Variants in MMRN2 observed in about 807,000 individuals in gnomAD.
The protein encoded by MMRN2 is multimerin-2.
In MMRN2, 53 loss-of-function variants were observed where a neutral mutation model predicts 68.8. The ratio of observed to expected loss-of-function variants is 0.77; its 90% CI spans 0.62 to 0.97. The LOEUF is 0.97. Among genes scored for constraint, MMRN2 ranks in the 50% least tolerant of loss-of-function variants. MMRN2 has a pLI of 0.00. For synonymous variants in MMRN2, 564 were observed against 551.6 expected (o/e 1.02, Z -0.32); for missense variants, 1,266 against 1,259.5 (o/e 1.01, Z -0.08).
At position 86,945,169 on chromosome 10, in the gene MMRN2, C is replaced by T. The variant is rs1844047019; in HGVS notation, c.481+19G>A. 2 of 1,611,876 alleles carry T rather than the reference C, an allele frequency of 1.2e-6. No homozygotes were observed. Among genetic ancestry groups the T allele is most frequent in the Non-Finnish European group, 1.7e-6 (2 of 1,178,662 alleles). ...GCCCCACCAGCCTGCCTGCCTTCCC[C>T]TTCCGGAAAGCAACACACCAGGTTT... On this transcript the variant is annotated intron_variant, in intron 4 of 6. Coordinates refer to ENST00000372027, the MANE Select transcript of MMRN2 (RefSeq NM_024756.3).
chr10:86,939,806 GGTGTGT>G (rs769816445), intron 6 of MMRN2, among the ~76,000 whole-genome samples: 21,927 of 146,634 alleles, frequency 0.15, 1,976 homozygotes, highest in South Asian at 0.23. Flanking sequence ...GGAAATTTGG[GGTGTGT>G]GTGTGTGTGT....
At chr10:86,937,257 T>C in intron 6 of MMRN2, 132 bp from the exon 7 acceptor site, 1 of 969,222 alleles carries the variant, frequency 1.0e-6, no homozygotes, top group Non-Finnish European at 1.5e-6. Flanking sequence ...ACCTAGATAT[T>C]CCCAACAGCA....
rs1843877580 is a variant in MMRN2 at position 86,936,319 on chromosome 10, T to C, written c.*424A>G. The C allele has an allele frequency of 2.4e-6, 1 of 422,538 alleles. No individual in the cohort carries two copies. The highest frequency in any genetic ancestry group is 4.2e-6 in the Non-Finnish European group (1 of 239,952). The allele number at this position is 422,538 out of a possible 1,614,324, so 26.2% of individuals were successfully genotyped here. A position where few individuals can be genotyped will look rare whatever the true frequency, so the allele number is the denominator to read the frequency against. On this transcript the variant is annotated 3_prime_UTR_variant, in exon 7 of 7. Coordinates refer to ENST00000372027, the MANE Select transcript of MMRN2 (RefSeq NM_024756.3). ...TTGCCTCCATTTTAAACATTCCTCC[T>C]GGGGAAGAATGTCTTTCTATCATAC...
Position 86,942,562 on chromosome 10 carries a change from T to G in MMRN2, c.2222A>C (p.Gln741Pro), listed in dbSNP as rs756753246. The change falls in exon 6 of 7, where the codon CAG becomes CCG. Residue 741 changes from glutamine to proline, a missense_variant. Gln to Pro is a moderately conservative substitution (Grantham distance 76, BLOSUM62 -1). Transcript: ENST00000372027. Reference sequence around the variant, plus strand: ...CCGCTGGTGCTGCTCCAAGCTGCGCTGAGTGGCGAAGAGTGCGTTGTGGAG... The same window carrying G: ...CCGCTGGTGCTGCTCCAAGCTGCGCGGAGTGGCGAAGAGTGCGTTGTGGAG... ...HGLHNALFAT[Q>P]RSLEQHQRLF... The G allele has an allele frequency of 6.2e-7, 1 of 1,613,022 alleles. No individual in the cohort carries two copies. Among genetic ancestry groups the G allele is most frequent in the South Asian group, 1.1e-5 (1 of 91,084 alleles).
chr10:86,957,254 G>GAGAT (rs772026298), intron 1 of MMRN2, 124 bp downstream of exon 1: 1 of 1,004,866 alleles, frequency 1.0e-6, no homozygotes, highest in Non-Finnish European at 1.5e-6. Flanking sequence ...AGATGGCCCA[G>GAGAT]AGATAGATAC....
chr10:86,950,615 T>G (rs1184757432), intron 1 of MMRN2, among the ~76,000 whole-genome samples: 1 of 152,144 alleles, frequency 6.6e-6, no homozygotes, highest in East Asian at 1.9e-4. Flanking sequence ...CAGTTCACAT[T>G]GGAACACACC....
At position 86,943,481 on chromosome 10, in the gene MMRN2, C is replaced by G; in HGVS notation, c.1303G>C (p.Glu435Gln). The G allele has an allele frequency of 1.9e-6, 3 of 1,614,202 alleles. No homozygotes were observed. Among genetic ancestry groups the G allele is most frequent in the Non-Finnish European group, 1.7e-6 (2 of 1,180,044 alleles). The part of the protein sequence containing the change: ...QISKVERQVE[E>Q]LQVNHTALRE... ...AGCGCCGTGTGGTTCACCTGCAGCT[C>G]CTCCACCTGCCGCTCCACCTTGCTA... Residue 435 changes from glutamate to glutamine, a missense_variant, in exon 6 of 7, where the codon GAG (glutamate) becomes CAG (glutamine). Coordinates refer to ENST00000372027, the MANE Select transcript of MMRN2 (RefSeq NM_024756.3). The surrounding 1 kb of genome is among the most constrained non-coding windows in gnomAD (Gnocchi z 4.2).
intron 6 of MMRN2, among the ~76,000 whole-genome samples, chr10:86,937,366 A>G (rs1843895981): frequency 6.6e-6 from 1 of 152,270 alleles, no homozygotes; most frequent in Non-Finnish European, 1.5e-5. Context: ...GTACATTTTA[A>G]CAAAATACTT....
chr10:86,944,534 G>T, intron 4 of MMRN2, 99 bp from the exon 5 acceptor site: 1 of 1,330,908 alleles, frequency 7.5e-7, no homozygotes, highest in Non-Finnish European at 1.1e-6. Context: ...GAGCAGGGAA[G>T]TTAGCTGCTG....
intron 4 of MMRN2, 49 bp downstream of exon 4, chr10:86,945,139 C>T: frequency 4.5e-6 from 7 of 1,543,676 alleles, no homozygotes; most frequent in Non-Finnish European, 6.3e-6. Flanking sequence ...CAGCTGGCTA[C>T]ATGGGCCCCA....
chr10:86,941,821 GA>G (rs1564731145), intron 6 of MMRN2, among the ~76,000 whole-genome samples: 2 of 67,654 alleles, frequency 3.0e-5, no homozygotes, highest in Non-Finnish European at 6.1e-5. Context: ...AAAAAGAAAA[GA>G]AAAAGAAAAA....
At position 86,943,965 on chromosome 10, in the gene MMRN2, G is replaced by C; in HGVS notation, c.819C>G (p.Ile273Met). 1.4e-5 allele frequency: 22 copies of C among 1,614,204 alleles called. No homozygotes were observed. The highest frequency in any genetic ancestry group is 1.9e-5 in the Non-Finnish European group (22 of 1,180,046). Residue 273 changes from isoleucine (I) to methionine (M), a missense_variant, in exon 6 of 7, where the codon ATC becomes ATG. Ile to Met is a conservative substitution (Grantham distance 10). Transcript: ENST00000372027. The surrounding 1 kb of genome is among the most constrained non-coding windows in gnomAD (Gnocchi z 4.2). ...SLDVEANRQA[I>M]SRVQDSAVAR... Reference sequence around the variant, plus strand: ...CCACGGCACTGTCCTGGACTCTGGAGATGGCCTGGCGGTTGGCCTCCACGT... The same window carrying C: ...CCACGGCACTGTCCTGGACTCTGGACATGGCCTGGCGGTTGGCCTCCACGT...
At chr10:86,953,879 A>G (rs544601296) in intron 1 of MMRN2, among the ~76,000 whole-genome samples, 88 of 152,260 alleles carry the variant, frequency 5.8e-4, no homozygotes, top group African/African-American at 1.9e-3. Context: ...AGTGGAAACT[A>G]TGCCGCCCAC....
At chr10:86,938,642 C>G (rs1341091629) in intron 6 of MMRN2, among the ~76,000 whole-genome samples, 1 of 152,216 alleles carries the variant, frequency 6.6e-6, no homozygotes, top group East Asian at 1.9e-4. Context: ...CTTGCTCCCT[C>G]TGTAGGGGTT....
At position 86,952,886 on chromosome 10, in the gene MMRN2, C is replaced by T. The variant is rs550987422; in HGVS notation, c.164+4492G>A. On this transcript the variant is annotated intron_variant, in intron 1 of 6. Transcript: ENST00000372027. Reference sequence around the variant, plus strand: ...GGCATATCTCAGTCCTTATCACAACCGCATAGGACAGACACTCCCAGAGCG... The same window carrying T: ...GGCATATCTCAGTCCTTATCACAACTGCATAGGACAGACACTCCCAGAGCG... 6.7e-4 allele frequency among the ~76,000 whole-genome samples: 102 copies of T among 152,188 alleles called. 1 individual carries two copies. Among genetic ancestry groups the T allele is most frequent in the South Asian group, 2.1e-3 (10 of 4,820 alleles).
intron 1 of MMRN2, among the ~76,000 whole-genome samples, chr10:86,952,429 T>C (rs1258423403): frequency 2.0e-5 from 3 of 152,220 alleles, no homozygotes; most frequent in Non-Finnish European, 4.4e-5. Flanking sequence ...TATTTCAACA[T>C]ACATTCTTTC....
At position 86,936,511 on chromosome 10, in the gene MMRN2, G is replaced by A; in HGVS notation, c.*232C>T. The A allele has an allele frequency of 1.7e-6, 1 of 584,894 alleles. No homozygotes were observed. The highest frequency in any genetic ancestry group is 2.8e-5 in the East Asian group (1 of 36,102). 36.2% of individuals were successfully genotyped at this position (584,894 alleles called of 1,614,324 possible). ...AGAAGGCATGCCAAGCCAAGGTTCA[G>A]GCTTCCTAGGACCATGTCCTGCCCG... On this transcript the variant is annotated 3_prime_UTR_variant, in exon 7 of 7. Coordinates refer to ENST00000372027, the MANE Select transcript of MMRN2 (RefSeq NM_024756.3).
intron 1 of MMRN2, among the ~76,000 whole-genome samples, chr10:86,950,311 G>A (rs10887678): frequency 0.24 from 37,001 of 151,858 alleles, 4,996 homozygotes; most frequent in South Asian, 0.32. Context: ...TTGCACTCCA[G>A]CCTGGGTGAC....
chr10:86,936,474 C>A lies in MMRN2; in HGVS notation c.*269G>T. 1 of 551,864 alleles carries A rather than the reference C, an allele frequency of 1.8e-6. No individual in the cohort carries two copies. The highest frequency in any genetic ancestry group is 3.2e-6 in the Non-Finnish European group (1 of 312,256). 34.2% of individuals were successfully genotyped at this position (551,864 alleles called of 1,614,324 possible). On this transcript the variant is annotated 3_prime_UTR_variant, in exon 7 of 7. Coordinates refer to ENST00000372027, the MANE Select transcript of MMRN2 (RefSeq NM_024756.3). The stretch of plus-strand genomic sequence containing the variant: ...GTGTGGTGAAGAGTTGGAGCCCAGG[C>A]CGTGCTGTCTGAGAAGGCATGCCAA...
Sources: gnomAD v4.1 joint callset for allele counts (sites outside exome capture counted in the v4.1 genomes callset) on GRCh38, gnomAD v4.1.1 for gene constraint, Gnocchi (gnomAD v3.1) non-coding constraint, MANE v1.5 for transcripts, NCBI Gene and HGNC (gene_info 2026-07-23, HGNC 2026-07-21) for gene names.